LINGO2: variants seen among roughly 807,000 people sequenced by gnomAD.
LINGO2 encodes leucine rich repeat and Ig domain containing 2.
Under a neutral mutation model 30.6 loss-of-function variants are expected in LINGO2, and 14 were observed. The ratio of observed to expected loss-of-function variants is 0.46; its 90% CI spans 0.30 to 0.72. The LOEUF is 0.72. Ranked by LOEUF, LINGO2 falls within the 30% of genes least tolerant of loss-of-function variation. The pLI is 0.07. For synonymous variants in LINGO2, 317 were observed against 288.5 expected (o/e 1.10, Z -1.00); for missense variants, 729 against 751.7 (o/e 0.97, Z 0.35).
chr9:28,909,618 T>A, the LINGO2 span, among the ~76,000 whole-genome samples: 1 of 152,024 alleles, frequency 6.6e-6, no homozygotes, highest in African/African-American at 2.4e-5. Context: ...GGCTTCAATA[T>A]CAAGATTCAC....
At chr9:28,634,583 T>C (rs1827167630) in intron 1 of LINGO2, among the ~76,000 whole-genome samples, 1 of 151,358 alleles carries the variant, frequency 6.6e-6, no homozygotes, top group Non-Finnish European at 1.5e-5. Flanking sequence ...CCTTCCGAGT[T>C]CAAGCAATTC....
At chr9:28,171,367 G>A (rs566102683) in intron 4 of LINGO2, among the ~76,000 whole-genome samples, 2 of 152,202 alleles carry the variant, frequency 1.3e-5, no homozygotes, top group Admixed American at 6.5e-5. Flanking sequence ...TCCTTGTCCT[G>A]GCAACCAGAA....
intron 5 of LINGO2, among the ~76,000 whole-genome samples, chr9:28,012,057 T>C (rs1822582523): frequency 6.6e-6 from 1 of 152,140 alleles, no homozygotes; most frequent in Non-Finnish European, 1.5e-5. Flanking sequence ...GCCAGCTTTG[T>C]GTCAGTACAA....
At position 28,586,774 on chromosome 9, in the gene LINGO2, G is replaced by A. The variant is rs114761014; in HGVS notation, c.-365+83426C>T. ...GGGTTTCTCAAAGGTGAGCAGGGCC[G>A]TGGAGAGAGGTTAAGCCTGGCACTG... On this transcript the variant is annotated intron_variant, in intron 1 of 5. Coordinates refer to ENST00000379992, the Ensembl canonical transcript of LINGO2. Among the ~76,000 whole-genome samples, 309 of 152,100 alleles carry A rather than the reference G, an allele frequency of 2.0e-3. 5 individuals are homozygous for A. Among genetic ancestry groups the A allele is most frequent in the African/African-American group, 7.0e-3 (289 of 41,528 alleles).
chr9:28,933,890 T>C, the LINGO2 span, among the ~76,000 whole-genome samples: 1 of 152,354 alleles, frequency 6.6e-6, no homozygotes, highest in South Asian at 2.1e-4. Flanking sequence ...CTTTACCTCT[T>C]AAAATATGCA....
At chr9:28,325,807 T>C (rs570031831) in intron 3 of LINGO2, among the ~76,000 whole-genome samples, 1 of 152,202 alleles carries the variant, frequency 6.6e-6, no homozygotes, top group East Asian at 1.9e-4. Flanking sequence ...CATGGTCTAA[T>C]CACATTGATT....
At chr9:28,786,719 A>C in the LINGO2 span, among the ~76,000 whole-genome samples, 1 of 152,144 alleles carries the variant, frequency 6.6e-6, no homozygotes, top group East Asian at 1.9e-4. Flanking sequence ...TCCTGAGTCA[A>C]ATCATGAAGT....
chr9:28,238,275 A>C (rs1024541665), intron 4 of LINGO2, among the ~76,000 whole-genome samples: 23 of 152,146 alleles, frequency 1.5e-4, no homozygotes, highest in African/African-American at 5.1e-4. Flanking sequence ...AATGGGACTT[A>C]ATCTGCATTA....
chr9:28,186,437 G>A (rs1322364168), intron 4 of LINGO2, among the ~76,000 whole-genome samples: 4 of 152,148 alleles, frequency 2.6e-5, no homozygotes, highest in African/African-American at 9.7e-5. Context: ...AGGGCCAGAG[G>A]ATTCAGCAGT....
chr9:28,977,690 A>G, the LINGO2 span, among the ~76,000 whole-genome samples: 9 of 152,154 alleles, frequency 5.9e-5, no homozygotes, highest in South Asian at 1.7e-3. Context: ...ATGGCATTGT[A>G]AGATCCCGTT....
At chr9:28,608,206 T>TG (rs1717392476) in intron 1 of LINGO2, among the ~76,000 whole-genome samples, 1 of 151,798 alleles carries the variant, frequency 6.6e-6, no homozygotes, top group South Asian at 2.1e-4. Context: ...ATGGATTGAT[T>TG]GGGGATATTC....
At chr9:29,184,373 A>G in the LINGO2 span, among the ~76,000 whole-genome samples, 1 of 151,710 alleles carries the variant, frequency 6.6e-6, no homozygotes, top group Non-Finnish European at 1.5e-5. Context: ...ACATCATGCT[A>G]TATGTTTTAG....
chr9:28,037,648 A>G (rs1323334718), intron 4 of LINGO2, among the ~76,000 whole-genome samples: 2 of 152,170 alleles, frequency 1.3e-5, no homozygotes, highest in African/African-American at 2.4e-5. Context: ...TGTCTTGTTC[A>G]TCTTTGTGGC....
intron 2 of LINGO2, among the ~76,000 whole-genome samples, chr9:28,376,851 T>G (rs1821151061): frequency 6.6e-6 from 1 of 152,180 alleles, no homozygotes; most frequent in African/African-American, 2.4e-5. Context: ...CCATTATATC[T>G]TTCTACCTAT....
intron 4 of LINGO2, among the ~76,000 whole-genome samples, chr9:28,051,601 T>TAA (rs1824677265): frequency 6.6e-6 from 1 of 152,096 alleles, no homozygotes; most frequent in South Asian, 2.1e-4. Flanking sequence ...AAATTTCACT[T>TAA]ACGATCTCAT....
the LINGO2 span, among the ~76,000 whole-genome samples, chr9:28,679,702 G>C: frequency 6.6e-6 from 1 of 151,960 alleles, no homozygotes; most frequent in Non-Finnish European, 1.5e-5. Context: ...TAGATATGGA[G>C]ATAAAAACAT....
At chr9:27,964,315 A>G (rs534473562) in intron 5 of LINGO2, among the ~76,000 whole-genome samples, 201 of 152,238 alleles carry the variant, frequency 1.3e-3, no homozygotes, top group African/African-American at 4.6e-3. Flanking sequence ...AAGTAGGTAG[A>G]CAGTTACTCA....
the LINGO2 span, among the ~76,000 whole-genome samples, chr9:28,974,243 A>G: frequency 1.4e-3 from 219 of 152,208 alleles, no homozygotes; most frequent in Non-Finnish European, 2.7e-3. Flanking sequence ...CATCTCTACC[A>G]AAAATACAAA....
chr9:28,220,482 C>T (rs2133893736), intron 4 of LINGO2, among the ~76,000 whole-genome samples: 1 of 152,096 alleles, frequency 6.6e-6, no homozygotes, highest in East Asian at 1.9e-4. Flanking sequence ...TAAAATGCTG[C>T]TATGGATATT....
Sources: gnomAD v4.1 joint callset for allele counts (sites outside exome capture counted in the v4.1 genomes callset) on GRCh38, gnomAD v4.1.1 for gene constraint, MANE v1.5 for transcripts, NCBI Gene and HGNC (gene_info 2026-07-23, HGNC 2026-07-21) for gene names.